Variants in CPD observed in about 807,000 individuals in gnomAD.
CPD encodes carboxypeptidase D, also known as metallocarboxypeptidase D.
In CPD, 69 loss-of-function variants were observed where a neutral mutation model predicts 138.3. That is an observed-to-expected ratio of 0.50 (90% CI 0.41 to 0.61). CPD has a LOEUF of 0.61. Among genes scored for constraint, CPD ranks in the 20% least tolerant of loss-of-function variants. CPD has a pLI of 0.00. For synonymous variants in CPD, 651 were observed against 642.1 expected (o/e 1.01, Z -0.21); for missense variants, 1,432 against 1,733.3 (o/e 0.83, Z 3.09).
At chr17:30,409,691 G>A (rs1338848852) in intron 2 of CPD, among the ~76,000 whole-genome samples, 5 of 152,044 alleles carry the variant, frequency 3.3e-5, no homozygotes, top group Non-Finnish European at 7.4e-5. Context: ...CTGTGGGATC[G>A]GTGGTGATAT....
At chr17:30,382,390 C>A (rs562055500) in intron 1 of CPD, among the ~76,000 whole-genome samples, 3 of 152,170 alleles carry the variant, frequency 2.0e-5, no homozygotes, top group Admixed American at 6.5e-5. Context: ...ATACTGAAGT[C>A]AAGTATGAGA....
chr17:30,442,820 C>A (rs763951006), intron 10 of CPD, among the ~76,000 whole-genome samples: 19 of 152,038 alleles, frequency 1.2e-4, no homozygotes, highest in Non-Finnish European at 1.6e-4. Context: ...TGTTTTTATT[C>A]TTTTTCTTGT....
At position 30,449,534 on chromosome 17, in the gene CPD, T is replaced by C; in HGVS notation, c.2874-19T>C. ...GTGCTTGATTACTTGCTGATTTTTT[T>C]GTTTCTGGTTTTTGAAAGTTTGGGA... On this transcript the variant is annotated intron_variant, in intron 12 of 20. Coordinates refer to ENST00000225719, the MANE Select transcript of CPD (RefSeq NM_001304.5). 3 of 1,561,028 alleles carry C rather than the reference T, an allele frequency of 1.9e-6. No individual in the cohort carries two copies. In the East Asian group the frequency reaches 7.2e-5, roughly 37 times the overall value.
rs1404669544 is a variant in CPD, at chr17:30,468,723, T to A, written c.*3909T>A. ...TTTTGTCTCATAATCTTTTTTCAGATGCAATATGCCGGAAAAAGTTATAGG... is the reference window on the plus strand; with the variant it reads ...TTTTGTCTCATAATCTTTTTTCAGAAGCAATATGCCGGAAAAAGTTATAGG... On this transcript the variant is annotated 3_prime_UTR_variant, in exon 21 of 21. Coordinates refer to ENST00000225719, the MANE Select transcript of CPD (RefSeq NM_001304.5). 1 of 152,596 alleles carries A rather than the reference T, an allele frequency of 6.6e-6. No homozygotes were observed. Among genetic ancestry groups the A allele is most frequent in the Non-Finnish European group, 1.5e-5 (1 of 68,018 alleles). The allele number at this position is 152,596 out of a possible 1,614,324, so 9.5% of individuals were successfully genotyped here.
intron 10 of CPD, 90 bp from the exon 11 acceptor site, chr17:30,443,711 GT>G: frequency 8.0e-7 from 1 of 1,244,682 alleles, no homozygotes; most frequent in Non-Finnish European, 1.1e-6. Flanking sequence ...ATTTATTTGT[GT>G]TGACAATCTG....
Position 30,464,756 on chromosome 17 carries a change from A to G in CPD, c.4085A>G (p.His1362Arg), listed in dbSNP as rs766086076. The G allele has an allele frequency of 1.2e-6, 2 of 1,614,014 alleles. No individual in the cohort carries two copies. The highest frequency in any genetic ancestry group is 2.2e-5 in the East Asian group (1 of 44,882). ...GGCTCCAAGAAGTCCCTCCTAAGCC[A>G]TGAGTTCCAGGATGAAACAGACACT... ...STGSKKSLLS[H>R]EFQDETDTEE... The change falls in exon 21 of 21, where the codon CAT (histidine) becomes CGT (arginine). Residue 1362 changes from histidine to arginine, a missense_variant. Physicochemically the swap from His to Arg is conservative, Grantham distance 29. This residue lies in a region of CPD where 366 missense variants were observed against 518.8 expected (regional missense o/e 0.71). Coordinates refer to ENST00000225719, the MANE Select transcript of CPD (RefSeq NM_001304.5).
intron 2 of CPD, among the ~76,000 whole-genome samples, chr17:30,391,252 C>T (rs1338318889): frequency 6.7e-6 from 1 of 150,286 alleles, no homozygotes; most frequent in East Asian, 2.0e-4. Context: ...TATGTTTATT[C>T]CAAAGCAGAT....
intron 4 of CPD, among the ~76,000 whole-genome samples, 165 bp downstream of exon 4, chr17:30,421,998 T>G (rs1867619067): frequency 6.6e-6 from 1 of 152,218 alleles, no homozygotes; most frequent in Admixed American, 6.5e-5. Flanking sequence ...ATTGTGGAGT[T>G]TTTTGTCACA....
intron 2 of CPD, among the ~76,000 whole-genome samples, chr17:30,403,943 A>G (rs1371492462): frequency 6.6e-6 from 1 of 151,752 alleles, no homozygotes; most frequent in Non-Finnish European, 1.5e-5. Flanking sequence ...GTAATGGACC[A>G]TTTATATATG....
At chr17:30,418,993 A>C (rs529740365) in intron 2 of CPD, among the ~76,000 whole-genome samples, 9 of 152,192 alleles carry the variant, frequency 5.9e-5, no homozygotes, top group Non-Finnish European at 1.3e-4. Context: ...TGTCTTACCA[A>C]TATCTATCCT....
Position 30,468,751 on chromosome 17 carries a change from C to T in CPD, c.*3937C>T, listed in dbSNP as rs941370772. 6.6e-5 allele frequency: 10 copies of T among 152,232 alleles called. No individual in the cohort carries two copies. Among genetic ancestry groups the T allele is most frequent in the African/African-American group, 2.4e-4 (10 of 41,362 alleles). 9.4% of individuals were successfully genotyped at this position (152,232 alleles called of 1,614,324 possible). ...AATATGCCGGAAAAAGTTATAGGTC[C>T]AGTTTGAAAATTATTTAGTTTTTCT... On this transcript the variant is annotated 3_prime_UTR_variant, in exon 21 of 21. Coordinates refer to ENST00000225719, the MANE Select transcript of CPD (RefSeq NM_001304.5).
intron 11 of CPD, 151 bp downstream of exon 11, chr17:30,444,122 T>C: frequency 3.2e-6 from 2 of 616,000 alleles, no homozygotes; most frequent in Non-Finnish European, 5.3e-6. Flanking sequence ...TTGACTCTCC[T>C]TTAGTGGCAG....
At chr17:30,388,920 C>A (rs977145885) in intron 2 of CPD, among the ~76,000 whole-genome samples, 1 of 152,146 alleles carries the variant, frequency 6.6e-6, no homozygotes, top group South Asian at 2.1e-4. Flanking sequence ...CCCCAAGTGG[C>A]CCGCGCAGAG....
intron 1 of CPD, among the ~76,000 whole-genome samples, chr17:30,384,047 A>G (rs1911119596): frequency 6.6e-6 from 1 of 152,208 alleles, no homozygotes; most frequent in African/African-American, 2.4e-5. Context: ...ATTAAAAAAA[A>G]TGTTTCTTTT....
chr17:30,461,785 T>G (rs200404130), intron 18 of CPD, 92 bp from the exon 19 acceptor site: 1 of 996,134 alleles, frequency 1.0e-6, no homozygotes, highest in Non-Finnish European at 1.5e-6. Context: ...TTTGTTTGTT[T>G]GTTTGGTTGG....
chr17:30,461,290 T>C lies in CPD; in HGVS notation c.3609T>C (p.Ser1203=), dbSNP rs760947302. The C allele has an allele frequency of 6.2e-7, 1 of 1,603,886 alleles. No homozygotes were observed. Among genetic ancestry groups the C allele is most frequent in the Non-Finnish European group, 8.5e-7 (1 of 1,175,678 alleles). Residue 1203 remains serine, a synonymous_variant, in exon 18 of 21, where the codon TCT becomes TCC. Coordinates refer to ENST00000225719, the MANE Select transcript of CPD (RefSeq NM_001304.5). The part of the protein sequence containing the change: ...LPSLWADNKR[S]LLSMLVEVHK... ...CCTTGTGGGCAGACAATAAGAGATC[T>C]CTTCTTAGTATGTTAGTGGAGGTGA...
In CPD at chr17:30,417,702, G is replaced by A. The variant is rs114997470; in HGVS notation, c.995-3139G>A. ...TTTTAGGCCTAATTACTTTTTACTT[G>A]TATCATTGTAAGAAACTGCCTAACC... On this transcript the variant is annotated intron_variant, in intron 2 of 20. Transcript: ENST00000225719. 2.5e-3 allele frequency among the ~76,000 whole-genome samples: 386 copies of A among 152,038 alleles called. 2 individuals carry two copies. Among genetic ancestry groups the A allele is most frequent in the African/African-American group, 9.0e-3 (372 of 41,458 alleles).
chr17:30,443,276 A>G (rs1162105525), intron 10 of CPD, among the ~76,000 whole-genome samples: 2 of 152,108 alleles, frequency 1.3e-5, no homozygotes, highest in East Asian at 3.8e-4. Flanking sequence ...ACTACATACT[A>G]TCTCTAAGTG....
At chr17:30,391,495 A>G (rs1169354377) in intron 2 of CPD, among the ~76,000 whole-genome samples, 4 of 152,214 alleles carry the variant, frequency 2.6e-5, no homozygotes, top group African/African-American at 9.7e-5. Flanking sequence ...TTGATCAAAG[A>G]TCATAGTTTT....
Sources: allele counts gnomAD v4.1 joint callset (sites outside exome capture counted in the v4.1 genomes callset), GRCh38; gene constraint gnomAD v4.1.1; regional missense constraint gnomAD v4.1.1; transcripts MANE v1.5; gene names NCBI Gene and HGNC (gene_info 2026-07-23, HGNC 2026-07-21).